NLN: variants seen among roughly 807,000 people sequenced by gnomAD.
The protein encoded by NLN is neurolysin.
In NLN, 64 loss-of-function variants were observed where a neutral mutation model predicts 79.9. The observed-to-expected ratio is 0.80, with a 90% confidence interval of 0.65 to 0.99. The LOEUF (loss-of-function observed/expected upper bound fraction) is 0.99. Ranked by LOEUF, NLN falls within the 50% of genes least tolerant of loss-of-function variation. The pLI is 0.00. For synonymous variants in NLN, 267 were observed against 296.6 expected (o/e 0.90, Z 1.02); for missense variants, 835 against 858.7 (o/e 0.97, Z 0.34).
chr5:65,814,535 C>T (rs1760625015), intron 12 of NLN, among the ~76,000 whole-genome samples: 2 of 152,224 alleles, frequency 1.3e-5, no homozygotes, highest in Middle Eastern at 3.4e-3. Context: ...TTGAAATTAT[C>T]CAAAACCAAA....
chr5:65,740,424 A>G (rs1398271383), intron 1 of NLN, among the ~76,000 whole-genome samples: 1 of 152,140 alleles, frequency 6.6e-6, no homozygotes, highest in African/African-American at 2.4e-5. Flanking sequence ...TCATGACCCA[A>G]TCATCTCTTA....
At chr5:65,766,032 A>C (rs908705477) in intron 3 of NLN, among the ~76,000 whole-genome samples, 1 of 152,216 alleles carries the variant, frequency 6.6e-6, no homozygotes, top group African/African-American at 2.4e-5. Flanking sequence ...GTGGCCTGAA[A>C]TAGCAACCGT....
At chr5:65,738,634 G>A (rs994828384) in intron 1 of NLN, among the ~76,000 whole-genome samples, 3 of 151,994 alleles carry the variant, frequency 2.0e-5, no homozygotes, top group Non-Finnish European at 4.4e-5. Flanking sequence ...TAATCATCAT[G>A]TAGTACAATA....
chr5:65,751,544 A>G (rs937874879), intron 1 of NLN, among the ~76,000 whole-genome samples: 3 of 152,204 alleles, frequency 2.0e-5, no homozygotes, highest in Admixed American at 1.3e-4. Context: ...AACTAATTGA[A>G]TAGGTGATGA....
At chr5:65,741,886 A>G (rs1218874258) in intron 1 of NLN, among the ~76,000 whole-genome samples, 1 of 152,208 alleles carries the variant, frequency 6.6e-6, no homozygotes, top group African/African-American at 2.4e-5. Context: ...AGAACCTATA[A>G]TCATTAAGTT....
intron 6 of NLN, among the ~76,000 whole-genome samples, chr5:65,782,228 G>A (rs951071121): frequency 2.0e-5 from 3 of 152,118 alleles, no homozygotes; most frequent in Non-Finnish European, 4.4e-5. Flanking sequence ...TTGCCCACAG[G>A]GAATTGTTTT....
intron 2 of NLN, among the ~76,000 whole-genome samples, chr5:65,762,717 T>C (rs542838721): frequency 6.9e-6 from 1 of 144,550 alleles, no homozygotes; most frequent in Non-Finnish European, 1.5e-5. Flanking sequence ...AAAAAAAAAA[T>C]TGTACCCCAG....
At chr5:65,731,745 T>TTC (rs1370568719) in intron 1 of NLN, among the ~76,000 whole-genome samples, 1 of 101,044 alleles carries the variant, frequency 9.9e-6, no homozygotes, top group Non-Finnish European at 2.1e-5. Context: ...ACATTTTCTT[T>TTC]TTTTTTTTTT....
chr5:65,732,480 C>G (rs1758632456), intron 1 of NLN, among the ~76,000 whole-genome samples: 1 of 142,224 alleles, frequency 7.0e-6, no homozygotes, highest in Non-Finnish European at 1.6e-5. Flanking sequence ...GAAGCTCCGT[C>G]CTCACAGCTT....
chr5:65,794,427 A>C (rs530251611), intron 9 of NLN, among the ~76,000 whole-genome samples: 1 of 152,098 alleles, frequency 6.6e-6, no homozygotes, highest in Non-Finnish European at 1.5e-5. Context: ...CAACATTGTG[A>C]AACCCAGTCT....
chr5:65,731,947 C>T (rs1758620719), intron 1 of NLN, among the ~76,000 whole-genome samples: 2 of 151,720 alleles, frequency 1.3e-5, no homozygotes, highest in African/African-American at 2.4e-5. Flanking sequence ...GACAAGGTTT[C>T]ACCATGTTGC....
chr5:65,788,826 G>A (rs1396897076), intron 8 of NLN, among the ~76,000 whole-genome samples: 1 of 152,082 alleles, frequency 6.6e-6, no homozygotes, highest in Admixed American at 6.5e-5. Context: ...ACAAAAATTA[G>A]CCAGGTGTAG....
Position 65,730,352 on chromosome 5 carries a change from A to G in NLN, c.41+7938A>G, listed in dbSNP as rs111731988. On this transcript the variant is annotated intron_variant, in intron 1 of 12. Coordinates refer to ENST00000380985, the MANE Select transcript of NLN (RefSeq NM_020726.5). ...TCTAAGAGAAATGAGCAGTTGTGCT[A>G]TGTGAATACCTGAGGCAGGTCATTC... 3.5e-3 allele frequency among the ~76,000 whole-genome samples: 538 copies of G among 152,328 alleles called. 3 individuals are homozygous for G. The highest frequency in any genetic ancestry group is 0.012 in the African/African-American group (517 of 41,572).
At chr5:65,767,192 C>T (rs1312851730) in intron 3 of NLN, among the ~76,000 whole-genome samples, 1 of 152,216 alleles carries the variant, frequency 6.6e-6, no homozygotes, top group Non-Finnish European at 1.5e-5. Flanking sequence ...CCCCACTGCC[C>T]TAACAGAGGT....
intron 8 of NLN, among the ~76,000 whole-genome samples, chr5:65,790,185 A>T (rs140056215): frequency 6.6e-6 from 1 of 152,316 alleles, no homozygotes; most frequent in African/African-American, 2.4e-5. Context: ...ATTTAAATAG[A>T]TCAAAGGAGA....
chr5:65,819,605 G>A (rs569824374), intron 12 of NLN, among the ~76,000 whole-genome samples: 1 of 152,322 alleles, frequency 6.6e-6, no homozygotes, highest in South Asian at 2.1e-4. Context: ...CCATAGGAAA[G>A]CTCTAGTTTT....
At chr5:65,735,970 TGCATATAC>T (rs1758719499) in intron 1 of NLN, among the ~76,000 whole-genome samples, 1 of 152,236 alleles carries the variant, frequency 6.6e-6, no homozygotes, top group Admixed American at 6.5e-5. Flanking sequence ...AAAAATGTAA[TGCATATAC>T]GTATATACAT....
At chr5:65,732,699 C>G (rs1157594909) in intron 1 of NLN, among the ~76,000 whole-genome samples, 4 of 143,910 alleles carry the variant, frequency 2.8e-5, no homozygotes, top group Non-Finnish European at 6.2e-5. Context: ...GTCCCTAGAC[C>G]TTGCTCAGTT....
At chr5:65,791,861 T>C (rs1410698837) in intron 8 of NLN, among the ~76,000 whole-genome samples, 2 of 152,194 alleles carry the variant, frequency 1.3e-5, no homozygotes, top group African/African-American at 4.8e-5. Context: ...ACCACACAGA[T>C]ACGACACTGT....
Sources: allele counts gnomAD v4.1 joint callset (sites outside exome capture counted in the v4.1 genomes callset), GRCh38; gene constraint gnomAD v4.1.1; transcripts MANE v1.5; gene names NCBI Gene and HGNC (gene_info 2026-07-23, HGNC 2026-07-21).